Variants in CTNNA2 observed in about 807,000 individuals in gnomAD.
The protein encoded by CTNNA2 is catenin alpha 2, also known as catenin alpha-2.
A neutral mutation model predicts 101.0 loss-of-function variants in CTNNA2; 42 were observed. The observed-to-expected ratio is 0.42, with a 90% confidence interval of 0.32 to 0.54. CTNNA2 has a LOEUF of 0.54. Ranked by LOEUF, CTNNA2 falls within the 20% of genes least tolerant of loss-of-function variation. The pLI, the probability that CTNNA2 is intolerant of heterozygous loss-of-function variation, is 0.14. For synonymous variants in CTNNA2, 450 were observed against 456.4 expected, an observed-to-expected ratio of 0.99 and a Z score of 0.18; for missense variants, 871 against 1,223.1, an observed-to-expected ratio of 0.71 and a Z score of 4.29.
intron 7 of CTNNA2, among the ~76,000 whole-genome samples, chr2:80,175,389 A>C (rs1482909064): frequency 6.6e-6 from 1 of 152,216 alleles, no homozygotes; most frequent in Non-Finnish European, 1.5e-5. Flanking sequence ...GATACGCATT[A>C]ATAATTCCTC....
chr2:80,186,655 TG>T (rs1226093043), intron 7 of CTNNA2, among the ~76,000 whole-genome samples: 1 of 152,204 alleles, frequency 6.6e-6, no homozygotes, highest in East Asian at 1.9e-4. Context: ...ACATTTCCAG[TG>T]GGGAGGCCTG....
At chr2:80,619,364 C>G in intron 18 of CTNNA2, 136 bp downstream of exon 18, 2 of 927,924 alleles carry the variant, frequency 2.2e-6, no homozygotes, top group Non-Finnish European at 2.9e-6. Context: ...GGGCAAAGGA[C>G]TTATTTATTC....
intron 3 of CTNNA2, among the ~76,000 whole-genome samples, chr2:79,829,429 G>A (rs981547587): frequency 2.1e-5 from 3 of 143,596 alleles, no homozygotes; most frequent in African/African-American, 7.9e-5. Flanking sequence ...ACAAAGCCGG[G>A]CGAGATGGCG....
At chr2:80,126,141 T>C (rs1702096461) in intron 7 of CTNNA2, among the ~76,000 whole-genome samples, 1 of 152,126 alleles carries the variant, frequency 6.6e-6, no homozygotes, top group African/African-American at 2.4e-5. Flanking sequence ...ATTTTTACCT[T>C]TCTTCTGTGT....
intron 9 of CTNNA2, among the ~76,000 whole-genome samples, chr2:80,496,657 T>C (rs1239435603): frequency 1.3e-5 from 2 of 152,176 alleles, no homozygotes; most frequent in East Asian, 1.9e-4. Flanking sequence ...AAGCACCCGA[T>C]ACTTAGTAAC....
Position 80,619,318 on chromosome 2 carries a change from G to A in CTNNA2, c.2574+90G>A, listed in dbSNP as rs1042970652. The A allele has an allele frequency of 1.8e-5, 24 of 1,328,792 alleles. No individual in the cohort carries two copies. In the African/African-American group the frequency reaches 2.8e-4, roughly 16 times the overall value. The allele number at this position is 1,328,792 out of a possible 1,614,324, so 82.3% of individuals were successfully genotyped here. A position where few individuals can be genotyped will look rare whatever the true frequency, so the allele number is the denominator to read the frequency against. On this transcript the variant is annotated intron_variant, in intron 18 of 18. Coordinates refer to ENST00000402739, the MANE Select transcript of CTNNA2 (RefSeq NM_001282597.3). ...GATTGGATTTTAGGGAAATAAAAATGTGCCCACTGAAGGCCTCTTAATATT... is the reference window on the plus strand; with the variant it reads ...GATTGGATTTTAGGGAAATAAAAATATGCCCACTGAAGGCCTCTTAATATT...
rs540000914 is a variant in CTNNA2, at chr2:79,985,509, A to G, written c.1056+75712A>G. 2.6e-5 allele frequency among the ~76,000 whole-genome samples: 4 copies of G among 152,302 alleles called. No homozygotes were observed. The South Asian group carries it at 6.2e-4, about 24-fold the overall frequency. ...TCCAGTCTAGACCTAAACACACAGT[A>G]CGTGCTCAATAAGTAGGTGTTTAAT... is the stretch of plus-strand genomic sequence containing the variant. On this transcript the variant is annotated intron_variant, in intron 7 of 18. Transcript: ENST00000402739.
At chr2:79,821,657 T>A (rs1678014248) in intron 3 of CTNNA2, among the ~76,000 whole-genome samples, 1 of 152,206 alleles carries the variant, frequency 6.6e-6, no homozygotes, top group African/African-American at 2.4e-5. Flanking sequence ...TGTCAAATAT[T>A]TGGCAAGAGA....
chr2:79,913,373 A>T (rs1330391389), intron 7 of CTNNA2, among the ~76,000 whole-genome samples: 1 of 152,168 alleles, frequency 6.6e-6, no homozygotes, highest in African/African-American at 2.4e-5. Context: ...GCACCATGGG[A>T]GTCACAGCAG....
chr2:79,802,954 T>G (rs959007024), intron 3 of CTNNA2, among the ~76,000 whole-genome samples: 12 of 152,234 alleles, frequency 7.9e-5, no homozygotes, highest in Non-Finnish European at 1.5e-4. Flanking sequence ...TTTAAAACAT[T>G]TTAAAAGGTT....
At chr2:80,091,004 T>C (rs372111557) in intron 7 of CTNNA2, among the ~76,000 whole-genome samples, 2 of 152,268 alleles carry the variant, frequency 1.3e-5, no homozygotes, top group African/African-American at 4.8e-5. Flanking sequence ...AAATGTTTGG[T>C]CTATTTCATG....
chr2:80,044,855 A>C (rs939707896), intron 7 of CTNNA2, among the ~76,000 whole-genome samples: 1 of 151,980 alleles, frequency 6.6e-6, no homozygotes, highest in Admixed American at 6.6e-5. Flanking sequence ...TCTTTACTCT[A>C]TTTCAGGGCC....
At chr2:79,626,897 G>T (rs914211392) in intron 1 of CTNNA2, among the ~76,000 whole-genome samples, 1 of 152,042 alleles carries the variant, frequency 6.6e-6, no homozygotes, top group Admixed American at 6.6e-5. Flanking sequence ...CAATTTTCCC[G>T]TAATGCTTAT....
intron 4 of CTNNA2, among the ~76,000 whole-genome samples, chr2:79,456,458 A>G (rs924618208): frequency 3.9e-5 from 6 of 152,164 alleles, no homozygotes; most frequent in Admixed American, 3.3e-4. Flanking sequence ...CAAATCTATT[A>G]AAGTTATTTT....
intron 3 of CTNNA2, among the ~76,000 whole-genome samples, chr2:79,792,048 A>G (rs769663052): frequency 6.6e-6 from 1 of 152,244 alleles, no homozygotes; most frequent in Non-Finnish European, 1.5e-5. Context: ...GGATGCAAAT[A>G]CCAACTAGTA....
At chr2:79,946,406 A>G (rs1688494838) in intron 7 of CTNNA2, among the ~76,000 whole-genome samples, 2 of 152,194 alleles carry the variant, frequency 1.3e-5, no homozygotes, top group African/African-American at 4.8e-5. Flanking sequence ...CTGAGAACTG[A>G]ACTGAGAGTC....
At chr2:80,540,854 C>A (rs867768501) in intron 9 of CTNNA2, among the ~76,000 whole-genome samples, 1 of 151,936 alleles carries the variant, frequency 6.6e-6, no homozygotes. Flanking sequence ...GCCACCACAC[C>A]CTGGCTATTT....
intron 3 of CTNNA2, among the ~76,000 whole-genome samples, chr2:79,354,312 G>A (rs986379903): frequency 6.6e-6 from 1 of 152,064 alleles, no homozygotes; most frequent in African/African-American, 2.4e-5. Context: ...CAGGAATGCC[G>A]ATGAGTCATA....
chr2:80,277,076 A>C (rs1673965313), intron 7 of CTNNA2, among the ~76,000 whole-genome samples: 1 of 152,170 alleles, frequency 6.6e-6, no homozygotes, highest in East Asian at 1.9e-4. Context: ...TACTAGAATA[A>C]TTCACAGAAT....
Sources: allele counts gnomAD v4.1 joint callset (sites outside exome capture counted in the v4.1 genomes callset), GRCh38; gene constraint gnomAD v4.1.1; transcripts MANE v1.5; gene names NCBI Gene and HGNC (gene_info 2026-07-23, HGNC 2026-07-21).